The following DNAH5 variants were observed in gnomAD, a reference collection of about 807,000 sequenced individuals.
DNAH5 encodes dynein axonemal heavy chain 5.
In DNAH5, 372 loss-of-function variants were observed where a neutral mutation model predicts 518.2. The observed-to-expected ratio is 0.72, with a 90% CI of 0.66 to 0.78. DNAH5 has a LOEUF of 0.78. Ranked by LOEUF, DNAH5 falls within the 30% of genes least tolerant of loss-of-function variation. The pLI is 0.00. For synonymous variants in DNAH5, 2,039 were observed against 2,025.9 expected (o/e 1.01, Z -0.17); for missense variants, 5,523 against 5,687.0 (o/e 0.97, Z 0.93).
chr5:13,840,655 A>G (rs1765030999), intron 34 of DNAH5, among the ~76,000 whole-genome samples: 1 of 152,350 alleles, frequency 6.6e-6, no homozygotes, highest in South Asian at 2.1e-4. Context: ...TTAACATTAA[A>G]AATCATCACG....
intron 29 of DNAH5, among the ~76,000 whole-genome samples, chr5:13,861,383 T>A (rs6554824): frequency 6.6e-6 from 1 of 151,942 alleles, no homozygotes; most frequent in African/African-American, 2.4e-5. Flanking sequence ...TTTGAAATAG[T>A]ATGAAGTACA....
chr5:13,734,207 G>A (rs1162107442), intron 68 of DNAH5, among the ~76,000 whole-genome samples: 2 of 152,106 alleles, frequency 1.3e-5, no homozygotes, highest in Non-Finnish European at 2.9e-5. Flanking sequence ...GAAGACAGTT[G>A]TCTACAACCC....
intron 76 of DNAH5, among the ~76,000 whole-genome samples, chr5:13,703,937 A>G (rs1742451670): frequency 6.6e-6 from 1 of 152,144 alleles, no homozygotes; most frequent in Non-Finnish European, 1.5e-5. Flanking sequence ...CTAATCCAGA[A>G]AGTCTAGACC....
intron 1 of DNAH5, among the ~76,000 whole-genome samples, chr5:13,997,267 A>G (rs1239383074): frequency 1.3e-5 from 2 of 152,236 alleles, no homozygotes; most frequent in Non-Finnish European, 2.9e-5. Context: ...TTATTATAAG[A>G]GTCAAGAGAA....
chr5:13,769,244 G>GTTTTTTTTTTTTTTTTTTTTTTTTTTT (rs1473645297), intron 57 of DNAH5, 108 bp from the exon 58 acceptor site: 1 of 874,004 alleles, frequency 1.1e-6, no homozygotes, highest in Non-Finnish European at 1.7e-6. Flanking sequence ...ACCCAGTTTT[G>GTTTTTTTTTTTTTTTTTTTTTTTTTTT]TTGTTTTTTT....
chr5:13,858,424 G>A (rs756287340), intron 30 of DNAH5, among the ~76,000 whole-genome samples: 16 of 152,092 alleles, frequency 1.1e-4, no homozygotes, highest in Non-Finnish European at 1.9e-4. Context: ...GTCAGGGGGT[G>A]TGGGGCAAGG....
intron 72 of DNAH5, among the ~76,000 whole-genome samples, chr5:13,718,417 C>A (rs1050556424): frequency 1.3e-5 from 2 of 152,150 alleles, no homozygotes; most frequent in African/African-American, 4.8e-5. Flanking sequence ...AAGAGAGCGA[C>A]CTCAGCCCCA....
At chr5:13,801,619 A>G (rs1446696491) in intron 47 of DNAH5, among the ~76,000 whole-genome samples, 1 of 152,094 alleles carries the variant, frequency 6.6e-6, no homozygotes, top group African/African-American at 2.4e-5. Flanking sequence ...GTCTCCTCTC[A>G]GGTCTCTCTG....
At chr5:13,745,280 C>T (rs1447221734) in intron 65 of DNAH5, among the ~76,000 whole-genome samples, 1 of 152,028 alleles carries the variant, frequency 6.6e-6, no homozygotes, top group Non-Finnish European at 1.5e-5. Flanking sequence ...GGTCTAGATA[C>T]ATCACCTTCT....
chr5:13,786,716 T>A (rs1359776832), intron 51 of DNAH5, among the ~76,000 whole-genome samples: 1 of 152,142 alleles, frequency 6.6e-6, no homozygotes, highest in East Asian at 1.9e-4. Flanking sequence ...TACAAAACTG[T>A]TTGATAAGAA....
chr5:13,724,233 C>A (rs765676263), intron 70 of DNAH5, among the ~76,000 whole-genome samples: 1 of 152,202 alleles, frequency 6.6e-6, no homozygotes, highest in Non-Finnish European at 1.5e-5. Context: ...CACCAGTGTG[C>A]CTTGGATGCA....
At chr5:13,781,732 A>G (rs999392276) in intron 52 of DNAH5, among the ~76,000 whole-genome samples, 1 of 152,146 alleles carries the variant, frequency 6.6e-6, no homozygotes, top group African/African-American at 2.4e-5. Context: ...TATAAGTCCA[A>G]TTAAACCTTT....
chr5:13,718,850 T>G (rs1444410949), intron 72 of DNAH5, 32 bp downstream of exon 72: 1 of 1,545,662 alleles, frequency 6.5e-7, no homozygotes, highest in South Asian at 1.1e-5. Flanking sequence ...GTAAGGAAAC[T>G]CCTGTAGACT....
At chr5:13,728,932 T>C (rs766241986) in intron 69 of DNAH5, among the ~76,000 whole-genome samples, 2 of 152,032 alleles carry the variant, frequency 1.3e-5, no homozygotes, top group Non-Finnish European at 2.9e-5. Context: ...CTTCTAAAGA[T>C]AAGAGGCCAA....
At chr5:13,700,544 C>A in intron 78 of DNAH5, 96 bp downstream of exon 78, 1 of 1,233,988 alleles carries the variant, frequency 8.1e-7, no homozygotes, top group Non-Finnish European at 1.2e-6. Flanking sequence ...AGAGCAAAAT[C>A]TCTACTACAT....
rs375227808 is a variant in DNAH5 at position 13,873,854 on chromosome 5, C to T, written c.3397-2089G>A. ...CTTTGTGAATCAAGTTTTTCCACTG[C>T]CTTATATTATGATTTCAGAGTTACA... On this transcript the variant is annotated intron_variant, in intron 22 of 78. Coordinates refer to ENST00000265104, the MANE Select transcript of DNAH5 (RefSeq NM_001369.3). 1.2e-4 allele frequency among the ~76,000 whole-genome samples: 18 copies of T among 152,104 alleles called. 1 individual carries two copies. In the East Asian group the frequency reaches 2.3e-3, roughly 20 times the overall value.
intron 2 of DNAH5, 95 bp from the exon 3 acceptor site, chr5:13,928,273 G>T: frequency 2.3e-6 from 2 of 863,038 alleles, no homozygotes; most frequent in Non-Finnish European, 3.8e-6. Flanking sequence ...AAAATTTACT[G>T]TCATCTTTCT....
chr5:13,791,941 A>G (rs1757060781), intron 50 of DNAH5, 53 bp downstream of exon 50: 1 of 1,394,136 alleles, frequency 7.2e-7, no homozygotes, highest in East Asian at 2.5e-5. Context: ...AAATATTTAG[A>G]ATATATCATT....
At chr5:13,775,962 C>A (rs1246299218) in intron 55 of DNAH5, among the ~76,000 whole-genome samples, 4 of 133,718 alleles carry the variant, frequency 3.0e-5, no homozygotes, top group Admixed American at 2.2e-4. Flanking sequence ...AATTTCTCAC[C>A]AAAAGCTTTC....
Sources: allele counts gnomAD v4.1 joint callset (sites outside exome capture counted in the v4.1 genomes callset), GRCh38; gene constraint gnomAD v4.1.1; transcripts MANE v1.5; gene names NCBI Gene and HGNC (gene_info 2026-07-23, HGNC 2026-07-21).